Variants in CCDC171 observed in about 807,000 individuals in gnomAD.
CCDC171 encodes the protein coiled-coil domain containing 171.
CCDC171 carries 177 observed loss-of-function variants against 168.2 expected under a neutral mutation model. That is an observed-to-expected ratio of 1.05 (90% CI 0.93 to 1.19). The LOEUF is 1.19. Ranked by LOEUF, CCDC171 falls within the 50% of genes most tolerant of loss-of-function variation. The probability of loss-of-function intolerance (pLI) is 0.00; values close to 1 mark genes in which losing one functional copy is unlikely to be tolerated. For missense variants in CCDC171, 1,991 were observed against 1,539.0 expected, an observed-to-expected ratio of 1.29 and a Z score of -4.91; for synonymous variants, 687 against 540.8, an observed-to-expected ratio of 1.27 and a Z score of -3.75.
At position 15,606,266 on chromosome 9, in the gene CCDC171, T is replaced by G. The variant is rs2043220236; in HGVS notation, c.675+12094T>G. Among the ~76,000 whole-genome samples, 5 of 152,200 alleles carry G rather than the reference T, an allele frequency of 3.3e-5. No homozygotes were observed. In the South Asian group the frequency reaches 1.0e-3, roughly 32 times the overall value. Reference sequence around the variant, plus strand: ...TCAGTAATCTCTTATTGATGCACATTTTATTTCTTTCAAAATTTTTAGCTC... The same window carrying G: ...TCAGTAATCTCTTATTGATGCACATGTTATTTCTTTCAAAATTTTTAGCTC... On this transcript the variant is annotated intron_variant, in intron 6 of 25. Coordinates refer to ENST00000380701, the MANE Select transcript of CCDC171 (RefSeq NM_173550.4).
At chr9:15,959,850 A>G (rs1010461976) in intron 25 of CCDC171, among the ~76,000 whole-genome samples, 5 of 152,168 alleles carry the variant, frequency 3.3e-5, no homozygotes, top group African/African-American at 2.4e-5. Flanking sequence ...ACTGAAAGAA[A>G]TGTTCTGTGA....
chr9:15,982,163 A>G (rs544169468), intron 3 of CCDC171, among the ~76,000 whole-genome samples: 1 of 152,142 alleles, frequency 6.6e-6, no homozygotes, highest in Non-Finnish European at 1.5e-5. Context: ...TGTTATGTTT[A>G]TAATTAAATA....
intron 3 of CCDC171, among the ~76,000 whole-genome samples, chr9:16,002,776 G>A (rs894046387): frequency 1.3e-5 from 2 of 152,164 alleles, no homozygotes; most frequent in Admixed American, 1.3e-4. Flanking sequence ...AGTGCCCTCT[G>A]TAGTTGTACC....
the CCDC171 span, among the ~76,000 whole-genome samples, chr9:16,084,029 C>A: frequency 6.6e-6 from 1 of 152,206 alleles, no homozygotes; most frequent in Non-Finnish European, 1.5e-5. Flanking sequence ...ACTTGAGTTA[C>A]TCTGCTCTTA....
At chr9:15,710,047 T>C (rs539192337) in intron 11 of CCDC171, among the ~76,000 whole-genome samples, 1 of 152,304 alleles carries the variant, frequency 6.6e-6, no homozygotes, top group South Asian at 2.1e-4. Context: ...CTGTATTATA[T>C]TGAAAACATG....
intron 24 of CCDC171, among the ~76,000 whole-genome samples, chr9:15,906,102 G>T (rs1469110521): frequency 2.0e-5 from 3 of 152,188 alleles, no homozygotes; most frequent in Non-Finnish European, 2.9e-5. Flanking sequence ...GTACAAGGAG[G>T]AGCTGTTACC....
intron 25 of CCDC171, among the ~76,000 whole-genome samples, chr9:15,926,783 G>T (rs553820116): frequency 2.0e-5 from 3 of 151,678 alleles, no homozygotes; most frequent in South Asian, 4.1e-4. Context: ...TGTGTAAAAA[G>T]ATTTTCTGAT....
At chr9:15,850,394 G>GATT (rs1199940406) in intron 23 of CCDC171, 1 of 151,890 alleles carries the variant, frequency 6.6e-6, no homozygotes, top group African/African-American at 2.4e-5. Flanking sequence ...GCAACAGGAT[G>GATT]ATTATAATCA....
chr9:15,740,054 T>A (rs901017936), intron 16 of CCDC171, among the ~76,000 whole-genome samples: 26 of 152,272 alleles, frequency 1.7e-4, no homozygotes, highest in Middle Eastern at 3.4e-3. Context: ...GTGTTTTTTT[T>A]AAATCTGTTA....
intron 7 of CCDC171, among the ~76,000 whole-genome samples, chr9:15,628,358 G>T (rs1037240200): frequency 3.9e-4 from 59 of 152,264 alleles, no homozygotes; most frequent in African/African-American, 1.4e-3. Flanking sequence ...CTTAAAAAAC[G>T]GCGCACCAGG....
At chr9:15,798,874 G>C (rs2058683475) in intron 21 of CCDC171, among the ~76,000 whole-genome samples, 1 of 151,746 alleles carries the variant, frequency 6.6e-6, no homozygotes, top group Non-Finnish European at 1.5e-5. Flanking sequence ...TTTAGGGGCT[G>C]CTGTAGTGTT....
chr9:15,716,327 T>C (rs1310115473), intron 11 of CCDC171, among the ~76,000 whole-genome samples: 1 of 152,222 alleles, frequency 6.6e-6, no homozygotes, highest in Non-Finnish European at 1.5e-5. Flanking sequence ...TGCTACTCTT[T>C]GTGAGTTTTT....
At chr9:15,710,854 C>T (rs1479751829) in intron 11 of CCDC171, among the ~76,000 whole-genome samples, 4 of 152,184 alleles carry the variant, frequency 2.6e-5, no homozygotes, top group Non-Finnish European at 5.9e-5. Flanking sequence ...GCCTCGGCCT[C>T]CCAAAGTGCT....
intron 24 of CCDC171, among the ~76,000 whole-genome samples, chr9:15,896,656 C>G (rs749972681): frequency 6.6e-6 from 1 of 152,064 alleles, no homozygotes; most frequent in Admixed American, 6.6e-5. Flanking sequence ...TGACCTGATA[C>G]ATTTGCTATC....
chr9:15,824,051 C>G (rs2136142443), intron 21 of CCDC171, among the ~76,000 whole-genome samples: 1 of 152,108 alleles, frequency 6.6e-6, no homozygotes, highest in Non-Finnish European at 1.5e-5. Flanking sequence ...ATTAATCAGG[C>G]TACACAGTGG....
rs186313223 is a variant in CCDC171 at position 15,996,365 on chromosome 9, A to G, written n.369-24224A>G. On this transcript the variant is annotated intron_variant and non_coding_transcript_variant, in intron 3 of 9. Transcript: ENST00000486641. The stretch of plus-strand genomic sequence containing the variant: ...TTTATGGGCAGGCTTGCATGGGGGA[A>G]TCTGGGCATGCACAGAAAATATATA... Among the ~76,000 whole-genome samples, 786 of 150,156 alleles carry G rather than the reference A, an allele frequency of 5.2e-3. 4 individuals carry two copies. Among genetic ancestry groups the G allele is most frequent in the Non-Finnish European group, 8.8e-3 (594 of 67,824 alleles).
chr9:15,786,860 C>T (rs958696300), intron 21 of CCDC171, among the ~76,000 whole-genome samples: 1 of 152,128 alleles, frequency 6.6e-6, no homozygotes, highest in Non-Finnish European at 1.5e-5. Context: ...TTTGACCCCT[C>T]CCCTGCCGAC....
At chr9:15,772,899 A>T (rs916543086) in intron 18 of CCDC171, among the ~76,000 whole-genome samples, 1 of 152,164 alleles carries the variant, frequency 6.6e-6, no homozygotes, top group African/African-American at 2.4e-5. Context: ...GGAAATGGAG[A>T]TGTCAGGGTT....
At chr9:15,582,910 A>G (rs2041245894) in intron 4 of CCDC171, among the ~76,000 whole-genome samples, 1 of 151,496 alleles carries the variant, frequency 6.6e-6, no homozygotes, top group East Asian at 1.9e-4. Context: ...CTGCACATGT[A>G]TCTCGGAACT....
Sources: gnomAD v4.1 joint callset for allele counts (sites outside exome capture counted in the v4.1 genomes callset) on GRCh38, gnomAD v4.1.1 for gene constraint, MANE v1.5 for transcripts, NCBI Gene and HGNC (gene_info 2026-07-23, HGNC 2026-07-21) for gene names.